The following CDH4 variants were observed in gnomAD, a reference collection of about 807,000 sequenced individuals.
CDH4 encodes the protein cadherin 4, also known as cadherin-4.
In CDH4, 33 loss-of-function variants were observed where a neutral mutation model predicts 86.0. That is an observed-to-expected ratio of 0.38 (90% CI 0.29 to 0.51). CDH4 has a LOEUF of 0.51. CDH4 is among the 20% of genes least tolerant of loss of function. CDH4 has a pLI of 0.86. For synonymous variants in CDH4, 555 were observed against 549.4 expected, an observed-to-expected ratio of 1.01 and a Z score of -0.14; for missense variants, 1,114 against 1,307.4, an observed-to-expected ratio of 0.85 and a Z score of 2.28.
intron 2 of CDH4, among the ~76,000 whole-genome samples, chr20:61,561,715 G>A (rs965284401): frequency 6.6e-6 from 1 of 152,226 alleles, no homozygotes; most frequent in Admixed American, 6.5e-5. Flanking sequence ...TGAAGGCAGA[G>A]TTGCAAGGGG....
At chr20:61,683,071 A>G (rs1446722600) in intron 2 of CDH4, among the ~76,000 whole-genome samples, 1 of 152,134 alleles carries the variant, frequency 6.6e-6, no homozygotes, top group Admixed American at 6.5e-5. Context: ...TAAAGTCACC[A>G]TGCCGGGGCC....
At chr20:61,862,950 T>C (rs1600720109) in intron 6 of CDH4, among the ~76,000 whole-genome samples, 1 of 152,338 alleles carries the variant, frequency 6.6e-6, no homozygotes, top group South Asian at 2.1e-4. Context: ...GTTTATTTAT[T>C]TATTTTCTTT....
chr20:61,840,165 C>T (rs527782446), intron 4 of CDH4, among the ~76,000 whole-genome samples: 130 of 152,274 alleles, frequency 8.5e-4, no homozygotes, highest in African/African-American at 3.1e-3. Flanking sequence ...TGTCTGTGTC[C>T]GTCTGCGGGC....
intron 2 of CDH4, among the ~76,000 whole-genome samples, chr20:61,446,717 C>T (rs879713858): frequency 2.6e-4 from 39 of 152,232 alleles, no homozygotes; most frequent in Admixed American, 1.5e-3. Context: ...CTGGTCTGCC[C>T]GAAGAAAGCC....
intron 2 of CDH4, among the ~76,000 whole-genome samples, chr20:61,439,029 T>C (rs1377697280): frequency 6.6e-6 from 1 of 152,226 alleles, no homozygotes; most frequent in East Asian, 1.9e-4. Flanking sequence ...CTCTTTCATT[T>C]TTCCCCCCAA....
Position 61,269,787 on chromosome 20 carries a change from G to A in CDH4, c.169+14850G>A, listed in dbSNP as rs1020567951. Among the ~76,000 whole-genome samples, 4 of 152,016 alleles carry A rather than the reference G, an allele frequency of 2.6e-5. No homozygotes were observed. Among genetic ancestry groups the A allele is most frequent in the African/African-American group, 2.4e-5 (1 of 41,380 alleles). On this transcript the variant is annotated intron_variant, in intron 2 of 15. Transcript: ENST00000614565. This position sits in a 1 kb window ranked among gnomAD's most constrained non-coding sequence, Gnocchi z 5.3. ...AGGTGAGTTGCTCTCCCAACCCCAG[G>A]CTCCAGAGGCTCCCGGCGGGGAGAC...
intron 15 of CDH4, among the ~76,000 whole-genome samples, chr20:61,935,808 C>T (rs907494492): frequency 2.6e-5 from 4 of 152,170 alleles, no homozygotes; most frequent in African/African-American, 9.7e-5. Context: ...ATCGCTTGAA[C>T]GTGGGAGGCA....
intron 2 of CDH4, among the ~76,000 whole-genome samples, chr20:61,665,216 G>A (rs550802768): frequency 5.3e-5 from 8 of 152,342 alleles, no homozygotes; most frequent in East Asian, 1.9e-4. Context: ...ACGGGAAGGC[G>A]AGCACCATGC....
chr20:61,256,277 T>C (rs2084097538), intron 2 of CDH4, among the ~76,000 whole-genome samples: 1 of 152,222 alleles, frequency 6.6e-6, no homozygotes, highest in East Asian at 1.9e-4. Flanking sequence ...CATGTCCTGC[T>C]GTGCTGAAAC....
At chr20:61,284,737 A>G (rs372178421) in intron 2 of CDH4, among the ~76,000 whole-genome samples, 1 of 152,344 alleles carries the variant, frequency 6.6e-6, no homozygotes, top group East Asian at 1.9e-4. Context: ...TGAAGCCCCC[A>G]ATGCAATGTT....
chr20:61,804,215 A>T (rs1484672770), intron 4 of CDH4, among the ~76,000 whole-genome samples: 1 of 152,206 alleles, frequency 6.6e-6, no homozygotes, highest in South Asian at 2.1e-4. Context: ...ACGGGGCTGG[A>T]GATTCGCCCT....
chr20:61,718,653 C>T, intron 2 of CDH4: 1 of 386,016 alleles, frequency 2.6e-6, no homozygotes, highest in South Asian at 2.0e-5. Flanking sequence ...TTCAATGGGA[C>T]ATTAACTTGA....
At chr20:61,800,317 C>CA (rs1454332909) in intron 4 of CDH4, among the ~76,000 whole-genome samples, 1 of 152,220 alleles carries the variant, frequency 6.6e-6, no homozygotes, top group Non-Finnish European at 1.5e-5. Flanking sequence ...CGGGCAGGGG[C>CA]AGTTCTGCGT....
intron 2 of CDH4, among the ~76,000 whole-genome samples, chr20:61,635,679 A>T (rs1183333511): frequency 1.3e-5 from 2 of 152,080 alleles, no homozygotes; most frequent in African/African-American, 4.8e-5. Context: ...GCTGCTTGGG[A>T]ATTCTGGGGG....
chr20:61,708,800 G>C lies in CDH4; in HGVS notation c.170-34763G>C, dbSNP rs2087860194. Among the ~76,000 whole-genome samples, 1 of 152,238 alleles carries C rather than the reference G, an allele frequency of 6.6e-6. No homozygotes were observed. The highest frequency in any genetic ancestry group is 2.1e-4 in the South Asian group (1 of 4,828). On this transcript the variant is annotated intron_variant, in intron 2 of 15. Transcript: ENST00000614565. This position sits in a 1 kb window ranked among gnomAD's most constrained non-coding sequence, Gnocchi z 4.5. Reference sequence around the variant, plus strand: ...TGGACGGGCATCTCCTCTGCAGGCTGTTTGTTAGAGATGAGCACAGAAATC... The same window carrying C: ...TGGACGGGCATCTCCTCTGCAGGCTCTTTGTTAGAGATGAGCACAGAAATC...
At chr20:61,871,707 G>A (rs1983810624) in intron 6 of CDH4, among the ~76,000 whole-genome samples, 2 of 152,124 alleles carry the variant, frequency 1.3e-5, no homozygotes, top group Non-Finnish European at 2.9e-5. Context: ...GATCATCGGG[G>A]TGGGGTCCCT....
intron 2 of CDH4, among the ~76,000 whole-genome samples, chr20:61,504,360 C>T (rs928168798): frequency 1.3e-5 from 2 of 152,238 alleles, no homozygotes; most frequent in Non-Finnish European, 2.9e-5. Context: ...TTTTTTCTCA[C>T]TGTCTCCAGA....
At chr20:61,575,104 G>A (rs553211820) in intron 2 of CDH4, among the ~76,000 whole-genome samples, 55 of 152,230 alleles carry the variant, frequency 3.6e-4, no homozygotes, top group African/African-American at 1.1e-3. Context: ...AATTCAAAGC[G>A]GCCAACACAA....
intron 2 of CDH4, among the ~76,000 whole-genome samples, chr20:61,323,199 T>C (rs1446701153): frequency 6.6e-6 from 1 of 151,940 alleles, no homozygotes; most frequent in Non-Finnish European, 1.5e-5. Flanking sequence ...CCTAGGGGAG[T>C]GTGCACCTAG....
Sources: gnomAD v4.1 joint callset for allele counts (sites outside exome capture counted in the v4.1 genomes callset) on GRCh38, gnomAD v4.1.1 for gene constraint, Gnocchi (gnomAD v3.1) non-coding constraint, MANE v1.5 for transcripts, NCBI Gene and HGNC (gene_info 2026-07-23, HGNC 2026-07-21) for gene names.